The following LDLRAP1 variants were observed in gnomAD, a reference collection of about 807,000 sequenced individuals.
LDLRAP1 encodes the protein low density lipoprotein receptor adapter protein 1.
A neutral mutation model predicts 37.8 loss-of-function variants in LDLRAP1; 30 were observed. The ratio of observed to expected loss-of-function variants is 0.79; its 90% CI spans 0.59 to 1.08. The LOEUF (loss-of-function observed/expected upper bound fraction) is 1.08, where lower values mean the gene tolerates loss of function less well. LDLRAP1 is among the 50% of genes least tolerant of loss of function. LDLRAP1 has a pLI of 0.00. For synonymous variants in LDLRAP1, 156 were observed against 169.8 expected, an observed-to-expected ratio of 0.92 and a Z score of 0.63; for missense variants, 375 against 401.6, an observed-to-expected ratio of 0.93 and a Z score of 0.57.
At chr1:25,556,871 A>G (rs2044212944) in intron 3 of LDLRAP1, among the ~76,000 whole-genome samples, 1 of 152,190 alleles carries the variant, frequency 6.6e-6, no homozygotes, top group Non-Finnish European at 1.5e-5. Flanking sequence ...GGGTTCAGCT[A>G]TTACTGTTTT....
the LDLRAP1 span, among the ~76,000 whole-genome samples, chr1:25,582,263 C>T: frequency 6.6e-5 from 10 of 152,216 alleles, no homozygotes; most frequent in South Asian, 2.1e-4. Context: ...ATACTTCCCC[C>T]GCTCTATTTT....
At chr1:25,564,683 G>A (rs3856239) in intron 7 of LDLRAP1, 85,691 of 167,798 alleles carry the variant, frequency 0.51, 22,564 homozygotes, top group African/African-American at 0.64. Context: ...TCGCTTTTCT[G>A]CTGAGGCTGT....
intron 7 of LDLRAP1, chr1:25,564,403 A>G (rs2044424317): frequency 1.2e-5 from 2 of 171,884 alleles, no homozygotes; most frequent in South Asian, 2.8e-4. Flanking sequence ...GCATGACCAC[A>G]TTACACTGGT....
the LDLRAP1 span, among the ~76,000 whole-genome samples, chr1:25,586,201 C>T: frequency 1.2e-4 from 19 of 152,308 alleles, no homozygotes; most frequent in East Asian, 2.3e-3. This position sits in a 1 kb window ranked among gnomAD's most constrained non-coding sequence, Gnocchi z 4.3. Flanking sequence ...GGTCCAGGGG[C>T]TCTCATGATA....
intron 6 of LDLRAP1, 43 bp from the exon 7 acceptor site, chr1:25,563,618 A>C: frequency 6.2e-7 from 1 of 1,610,450 alleles, no homozygotes. Context: ...CCAGGAAGGA[A>C]GAGGCTGATC....
chr1:25,574,898 C>T, the LDLRAP1 span, among the ~76,000 whole-genome samples: 1 of 152,158 alleles, frequency 6.6e-6, no homozygotes, highest in Admixed American at 6.5e-5. Context: ...TTTGGCCTGT[C>T]ATTGTCTGTT....
intron 4 of LDLRAP1, among the ~76,000 whole-genome samples, chr1:25,560,452 G>T (rs1463938597): frequency 6.6e-6 from 1 of 152,164 alleles, no homozygotes; most frequent in Non-Finnish European, 1.5e-5. Context: ...CCAGCATAGG[G>T]TTCCTCCAGG....
chr1:25,586,571 T>C, the LDLRAP1 span, among the ~76,000 whole-genome samples: 2 of 149,016 alleles, frequency 1.3e-5, no homozygotes. The surrounding 1 kb of genome is among the most constrained non-coding windows in gnomAD (Gnocchi z 4.3). Flanking sequence ...CGTGCGTGTG[T>C]GTGCGTGTGC....
the LDLRAP1 span, among the ~76,000 whole-genome samples, chr1:25,579,990 C>T: frequency 6.6e-6 from 1 of 152,162 alleles, no homozygotes; most frequent in African/African-American, 2.4e-5. Context: ...CTGACCCTCG[C>T]TAATTTAAGC....
In LDLRAP1 at chr1:25,543,681, C is replaced by G; in HGVS notation, c.-18C>G. The G allele has an allele frequency of 8.2e-7, 1 of 1,212,448 alleles. No individual in the cohort carries two copies. Among genetic ancestry groups the G allele is most frequent in the South Asian group, 4.1e-5 (1 of 24,414 alleles). The allele number at this position is 1,212,448 out of a possible 1,614,324, so 75.1% of individuals were successfully genotyped here. On this transcript the variant is annotated 5_prime_UTR_variant, in exon 1 of 9. Coordinates refer to ENST00000374338, the MANE Select transcript of LDLRAP1 (RefSeq NM_015627.3). ...GGAGTTTTGGCTGCGGCAGCGGCGG[C>G]GGCGGCCGGAGCGGGCCATGGACGC...
At chr1:25,566,085 C>A (rs959721532) in intron 8 of LDLRAP1, among the ~76,000 whole-genome samples, 2 of 152,200 alleles carry the variant, frequency 1.3e-5, no homozygotes, top group Admixed American at 6.5e-5. Context: ...TGAAGAAAAT[C>A]TTTTGTTTGC....
At chr1:25,580,635 A>G in the LDLRAP1 span, among the ~76,000 whole-genome samples, 1 of 152,118 alleles carries the variant, frequency 6.6e-6, no homozygotes, top group Non-Finnish European at 1.5e-5. Context: ...CAGCCCCCCA[A>G]GTAGCTGGGA....
At chr1:25,584,252 G>A in the LDLRAP1 span, among the ~76,000 whole-genome samples, 1 of 152,066 alleles carries the variant, frequency 6.6e-6, no homozygotes, top group African/African-American at 2.4e-5. Flanking sequence ...CCAACCCCCT[G>A]CGCTTGCCTG....
intron 3 of LDLRAP1, 102 bp from the exon 4 acceptor site, chr1:25,557,051 A>C: frequency 1.2e-6 from 1 of 839,830 alleles, no homozygotes; most frequent in South Asian, 1.4e-5. Flanking sequence ...TGGAGTGGGA[A>C]TAGCAGGTTC....
downstream of LDLRAP1, among the ~76,000 whole-genome samples, chr1:25,571,103 TC>T (rs1304414286): frequency 6.6e-6 from 1 of 152,166 alleles, no homozygotes; most frequent in Non-Finnish European, 1.5e-5. Context: ...GCACAGTGCC[TC>T]TCCGTGCAGA....
In LDLRAP1 at chr1:25,544,815, C is replaced by G. The variant is rs1233061844; in HGVS notation, c.88+1029C>G. On this transcript the variant is annotated intron_variant, in intron 1 of 8. Transcript: ENST00000374338. The surrounding 1 kb of genome is among the most constrained non-coding windows in gnomAD (Gnocchi z 4.8). Reference sequence around the variant, plus strand: ...TGCCACCTACTTCGGGCCACAGCTTCTCCCCTCATCAGGAAACAACTGACA... The same window carrying G: ...TGCCACCTACTTCGGGCCACAGCTTGTCCCCTCATCAGGAAACAACTGACA... 1.3e-5 allele frequency among the ~76,000 whole-genome samples: 2 copies of G among 152,250 alleles called. No individual in the cohort carries two copies.
At chr1:25,557,788 C>T (rs2044244005) in intron 4 of LDLRAP1, among the ~76,000 whole-genome samples, 1 of 152,156 alleles carries the variant, frequency 6.6e-6, no homozygotes, top group African/African-American at 2.4e-5. Flanking sequence ...CTCTCGGTGC[C>T]TCCTGTGTGT....
At chr1:25,563,542 G>A in intron 6 of LDLRAP1, 119 bp from the exon 7 acceptor site, 4 of 1,412,070 alleles carry the variant, frequency 2.8e-6, no homozygotes, top group East Asian at 2.4e-5. Flanking sequence ...GCCGGGCTCT[G>A]CTGGGAGGCC....
chr1:25,545,536 A>G (rs765092466), intron 1 of LDLRAP1, among the ~76,000 whole-genome samples: 6 of 151,928 alleles, frequency 3.9e-5, no homozygotes, highest in Non-Finnish European at 7.4e-5. Flanking sequence ...CCCCCTGCCT[A>G]TCCTTGGGAC....
Sources: allele counts gnomAD v4.1 joint callset (sites outside exome capture counted in the v4.1 genomes callset), GRCh38; gene constraint gnomAD v4.1.1; non-coding constraint Gnocchi (gnomAD v3.1); transcripts MANE v1.5; gene names NCBI Gene and HGNC (gene_info 2026-07-23, HGNC 2026-07-21).